The following VMP1 variants were observed in gnomAD, a reference collection of about 807,000 sequenced individuals.
The protein encoded by VMP1 is ectopic P-granules autophagy protein 3 homolog.
A neutral mutation model predicts 56.0 loss-of-function variants in VMP1; 11 were observed. The ratio of observed to expected loss-of-function variants is 0.20; its 90% CI spans 0.12 to 0.32. The LOEUF (loss-of-function observed/expected upper bound fraction) is 0.32. VMP1 is among the 10% of genes least tolerant of loss of function. VMP1 has a pLI of 1.00. For missense variants in VMP1, 296 were observed against 490.3 expected, an observed-to-expected ratio of 0.60 and a Z score of 3.74; for synonymous variants, 149 against 165.0, an observed-to-expected ratio of 0.90 and a Z score of 0.74.
At chr17:59,753,903 A>G (rs1435178259) in intron 5 of VMP1, among the ~76,000 whole-genome samples, 1 of 152,220 alleles carries the variant, frequency 6.6e-6, no homozygotes, top group Non-Finnish European at 1.5e-5. Flanking sequence ...GTTGGGAACT[A>G]TTCAGTTACA....
intron 10 of VMP1, among the ~76,000 whole-genome samples, chr17:59,819,285 C>A (rs2038355784): frequency 6.6e-6 from 1 of 151,996 alleles, no homozygotes; most frequent in African/African-American, 2.4e-5. Flanking sequence ...AAAAAATATT[C>A]TTGTCCCTTA....
At chr17:59,727,543 C>T (rs950886646) in intron 1 of VMP1, among the ~76,000 whole-genome samples, 1 of 152,140 alleles carries the variant, frequency 6.6e-6, no homozygotes, top group Non-Finnish European at 1.5e-5. Context: ...CATTTGGCTT[C>T]TTTACCAGAC....
At chr17:59,822,326 CTT>C (rs774358954) in intron 10 of VMP1, among the ~76,000 whole-genome samples, 2 of 125,326 alleles carry the variant, frequency 1.6e-5, no homozygotes, top group African/African-American at 5.8e-5. Flanking sequence ...GTAGGAAATA[CTT>C]TTTTTTTTTT....
chr17:59,788,294 C>A (rs982476189), intron 7 of VMP1, among the ~76,000 whole-genome samples: 4 of 150,312 alleles, frequency 2.7e-5, no homozygotes, highest in African/African-American at 9.8e-5. Context: ...CTAGACCAGC[C>A]TGGCCAAGAT....
At chr17:59,818,777 A>G (rs1481284927) in intron 10 of VMP1, among the ~76,000 whole-genome samples, 1 of 152,170 alleles carries the variant, frequency 6.6e-6, no homozygotes, top group Non-Finnish European at 1.5e-5. Context: ...CAATAAAACC[A>G]AAAGTTGTTA....
chr17:59,737,311 C>T, intron 3 of VMP1, 142 bp from the exon 4 acceptor site: 3 of 671,706 alleles, frequency 4.5e-6, no homozygotes, highest in Non-Finnish European at 7.2e-6. Flanking sequence ...TTCTGTTACT[C>T]CAAGAGGCCA....
At chr17:59,806,584 G>A (rs868833031) in intron 7 of VMP1, among the ~76,000 whole-genome samples, 17 of 151,620 alleles carry the variant, frequency 1.1e-4, no homozygotes. Flanking sequence ...GCATGATGGC[G>A]GGCGCCTGTA....
intron 7 of VMP1, among the ~76,000 whole-genome samples, chr17:59,780,318 C>T (rs2036773323): frequency 6.6e-6 from 1 of 152,202 alleles, no homozygotes; most frequent in South Asian, 2.1e-4. Flanking sequence ...TTGCCTGCTG[C>T]AGTGGCTCAC....
At chr17:59,767,640 G>T (rs1015340129) in intron 6 of VMP1, among the ~76,000 whole-genome samples, 1 of 152,036 alleles carries the variant, frequency 6.6e-6, no homozygotes, top group African/African-American at 2.4e-5. Flanking sequence ...ATCTCGGCTG[G>T]CTGTGATAAC....
chr17:59,828,033 A>C (rs1439606716), intron 10 of VMP1, among the ~76,000 whole-genome samples: 1 of 150,690 alleles, frequency 6.6e-6, no homozygotes, highest in Non-Finnish European at 1.5e-5. Context: ...TTAAAAAAAA[A>C]AAAAAAAGCT....
intron 5 of VMP1, among the ~76,000 whole-genome samples, chr17:59,758,131 C>G (rs1303954721): frequency 1.3e-5 from 2 of 152,068 alleles, no homozygotes; most frequent in South Asian, 4.2e-4. Context: ...CATGAGCCAC[C>G]CTGCCTTGCC....
chr17:59,737,253 TATG>T (rs1210018501), intron 3 of VMP1, among the ~76,000 whole-genome samples, 197 bp from the exon 4 acceptor site: 6 of 152,036 alleles, frequency 3.9e-5, no homozygotes, highest in African/African-American at 1.4e-4. Flanking sequence ...CAGTGGGGGT[TATG>T]ATAAGAACTT....
intron 7 of VMP1, among the ~76,000 whole-genome samples, chr17:59,792,138 A>G (rs1370662534): frequency 2.0e-5 from 3 of 152,050 alleles, no homozygotes; most frequent in African/African-American, 7.2e-5. Flanking sequence ...TTAATCATAC[A>G]TGGTGGCATG....
At chr17:59,831,509 G>A (rs1231598782) in intron 10 of VMP1, among the ~76,000 whole-genome samples, 1 of 152,006 alleles carries the variant, frequency 6.6e-6, no homozygotes, top group East Asian at 1.9e-4. Flanking sequence ...ATTTCCAGAA[G>A]CAGAGTAACA....
At chr17:59,794,761 A>G (rs570748870) in intron 7 of VMP1, among the ~76,000 whole-genome samples, 1 of 149,410 alleles carries the variant, frequency 6.7e-6, no homozygotes, top group East Asian at 2.0e-4. Flanking sequence ...CTGAAACCGT[A>G]TTTCTTCCAT....
chr17:59,838,734 G>C lies in VMP1; in HGVS notation c.1077+337G>C, dbSNP rs80028866. 82 of 198,552 alleles carry C rather than the reference G, an allele frequency of 4.1e-4. 2 individuals are homozygous for C. The East Asian group carries it at 0.01, about 24-fold the overall frequency. 12.3% of individuals were successfully genotyped at this position (198,552 alleles called of 1,614,324 possible). A position where few individuals can be genotyped will look rare whatever the true frequency, so the allele number is the denominator to read the frequency against. ...AAGTTAAAACTTACAGCATAACAAA[G>C]TATTAGACTTACTGAGGTGACTTGA... On this transcript the variant is annotated intron_variant, in intron 11 of 11. Coordinates refer to ENST00000262291, the MANE Select transcript of VMP1 (RefSeq NM_030938.5).
At chr17:59,797,249 A>G (rs1441937820) in intron 7 of VMP1, among the ~76,000 whole-genome samples, 2 of 150,692 alleles carry the variant, frequency 1.3e-5, no homozygotes, top group Admixed American at 1.3e-4. Context: ...GAGGCAGGAG[A>G]ATTGATTGAA....
intron 1 of VMP1, among the ~76,000 whole-genome samples, chr17:59,710,832 A>G (rs2033892901): frequency 6.6e-6 from 1 of 152,166 alleles, no homozygotes; most frequent in East Asian, 1.9e-4. Flanking sequence ...GCACTTTGGG[A>G]GGCCGAGGCG....
chr17:59,833,642 T>C (rs541429850), intron 10 of VMP1, among the ~76,000 whole-genome samples: 2 of 152,376 alleles, frequency 1.3e-5, no homozygotes, highest in Non-Finnish European at 1.5e-5. Context: ...AGATAAGTTA[T>C]ACATCATGTG....
Sources: gnomAD v4.1 joint callset for allele counts (sites outside exome capture counted in the v4.1 genomes callset) on GRCh38, gnomAD v4.1.1 for gene constraint, MANE v1.5 for transcripts, NCBI Gene and HGNC (gene_info 2026-07-23, HGNC 2026-07-21) for gene names.